The following SLC4A8 variants were observed in gnomAD, a reference collection of about 807,000 sequenced individuals.
The protein encoded by SLC4A8 is electroneutral sodium bicarbonate exchanger 1.
Under a neutral mutation model 125.0 loss-of-function variants are expected in SLC4A8, and 40 were observed. The observed-to-expected ratio is 0.32, with a 90% CI of 0.25 to 0.42. SLC4A8 has a LOEUF of 0.42. Ranked by LOEUF, SLC4A8 falls within the 10% of genes least tolerant of loss-of-function variation. The pLI is 1.00. For synonymous variants in SLC4A8, 456 were observed against 476.0 expected, an observed-to-expected ratio of 0.96 and a Z score of 0.55; for missense variants, 863 against 1,355.1, an observed-to-expected ratio of 0.64 and a Z score of 5.70.
chr12:51,432,011 G>C (rs1454459157), intron 1 of SLC4A8, among the ~76,000 whole-genome samples: 1 of 152,184 alleles, frequency 6.6e-6, no homozygotes. Context: ...GCTTTTGTGA[G>C]ATCTTAGCCT....
At chr12:51,406,180 A>AG (rs1322814349) in intron 1 of SLC4A8, among the ~76,000 whole-genome samples, 4 of 152,252 alleles carry the variant, frequency 2.6e-5, no homozygotes, top group Admixed American at 1.3e-4. Flanking sequence ...AGGACCAGAG[A>AG]GGGAAAAGAG....
At position 51,424,961 on chromosome 12, in the gene SLC4A8, G is replaced by T; in HGVS notation, c.-27G>T. On this transcript the variant is annotated 5_prime_UTR_variant, in exon 1 of 25. Coordinates refer to ENST00000453097, the MANE Select transcript of SLC4A8 (RefSeq NM_001039960.3). ...GCTGCTGATGCTTGGCTTGGAGCCC[G>T]TGGGGGAGACCTAGTTCGGCTCCGC... 3 of 1,550,476 alleles carry T rather than the reference G, an allele frequency of 1.9e-6. No homozygotes were observed. Among genetic ancestry groups the T allele is most frequent in the Non-Finnish European group, 2.6e-6 (3 of 1,146,958 alleles).
chr12:51,493,945 T>C (rs185225362), intron 20 of SLC4A8, among the ~76,000 whole-genome samples, 173 bp downstream of exon 20: 53 of 152,340 alleles, frequency 3.5e-4, no homozygotes, highest in Admixed American at 2.2e-3. Context: ...AAAACAGCCA[T>C]GTTGGCAGGA....
chr12:51,470,720 A>G (rs934058929), intron 13 of SLC4A8, among the ~76,000 whole-genome samples, 195 bp downstream of exon 13: 1 of 152,196 alleles, frequency 6.6e-6, no homozygotes, highest in African/African-American at 2.4e-5. Flanking sequence ...TCCTATTGTT[A>G]AAGAGCTTGA....
chr12:51,484,205 C>CG (rs1951104983), intron 16 of SLC4A8, among the ~76,000 whole-genome samples: 1 of 152,124 alleles, frequency 6.6e-6, no homozygotes, highest in Non-Finnish European at 1.5e-5. Context: ...ATGGCAGTCA[C>CG]GGGAGGTACA....
chr12:51,453,273 GAATAT>G (rs1426036124), intron 4 of SLC4A8, among the ~76,000 whole-genome samples: 1 of 152,060 alleles, frequency 6.6e-6, no homozygotes, highest in Non-Finnish European at 1.5e-5. Context: ...GGTTAATGAG[GAATAT>G]AATATTTGGT....
intron 1 of SLC4A8, among the ~76,000 whole-genome samples, chr12:51,436,406 A>T (rs759985829): frequency 6.6e-6 from 1 of 152,132 alleles, no homozygotes; most frequent in East Asian, 1.9e-4. Context: ...TATACCATCA[A>T]TTTGACCTTT....
chr12:51,405,109 T>C (rs2137947931), intron 1 of SLC4A8, among the ~76,000 whole-genome samples: 1 of 151,736 alleles, frequency 6.6e-6, no homozygotes, highest in South Asian at 2.1e-4. Flanking sequence ...AGAAAGGGAG[T>C]TGGGTGGTGA....
At chr12:51,431,082 A>G (rs142386091) in intron 1 of SLC4A8, among the ~76,000 whole-genome samples, 248 of 152,246 alleles carry the variant, frequency 1.6e-3, no homozygotes, top group African/African-American at 5.7e-3. Context: ...TCCATCTTCT[A>G]GAGACTGCCT....
chr12:51,490,418 G>T (rs1038015970), intron 19 of SLC4A8, among the ~76,000 whole-genome samples: 1 of 151,984 alleles, frequency 6.6e-6, no homozygotes, highest in African/African-American at 2.4e-5. Flanking sequence ...AATTAGCCGG[G>T]TGTGGTGGCA....
In SLC4A8 at chr12:51,514,165, C is replaced by A. The variant is rs1033564402; in HGVS notation, c.*6727C>A. ...TATTTTGTAAGGAAGTTAGCACCTC[C>A]TTCCAGGACTTTAAACAGTTGTCTT... On this transcript the variant is annotated 3_prime_UTR_variant, in exon 25 of 25. Transcript: ENST00000453097. 1 of 152,654 alleles carries A rather than the reference C, an allele frequency of 6.6e-6. No individual in the cohort carries two copies. Among genetic ancestry groups the A allele is most frequent in the African/African-American group, 2.4e-5 (1 of 41,454 alleles). The allele number at this position is 152,654 out of a possible 1,614,324, so 9.5% of individuals were successfully genotyped here.
chr12:51,507,167 A>G (rs1288072064), intron 24 of SLC4A8, among the ~76,000 whole-genome samples: 1 of 152,234 alleles, frequency 6.6e-6, no homozygotes, highest in Non-Finnish European at 1.5e-5. Flanking sequence ...GTGGTGATTT[A>G]TGTCTTCATC....
intron 1 of SLC4A8, among the ~76,000 whole-genome samples, chr12:51,404,004 T>C (rs1042390635): frequency 6.6e-5 from 10 of 152,212 alleles, no homozygotes; most frequent in African/African-American, 2.4e-4. Context: ...CCATTTCTGC[T>C]TGGGGCCTGG....
intron 22 of SLC4A8, 57 bp from the exon 23 acceptor site, chr12:51,503,972 T>C: frequency 1.1e-6 from 1 of 890,942 alleles, no homozygotes; most frequent in South Asian, 1.6e-5. Flanking sequence ...AAGAATGGGC[T>C]GGTGAACTTA....
At chr12:51,424,079 A>C (rs1565762426), upstream of SLC4A8, among the ~76,000 whole-genome samples, 3 of 140,800 alleles carry the variant, frequency 2.1e-5, no homozygotes, top group Admixed American at 7.1e-5. Flanking sequence ...AAAAAAAACA[A>C]AAAAAACCCA....
At chr12:51,477,574 C>T (rs1238870983) in intron 16 of SLC4A8, among the ~76,000 whole-genome samples, 2 of 152,222 alleles carry the variant, frequency 1.3e-5, no homozygotes, top group East Asian at 1.9e-4. Context: ...TATTTCTCAG[C>T]AGTCGTTTCC....
intron 1 of SLC4A8, among the ~76,000 whole-genome samples, chr12:51,401,005 C>G (rs1021693038): frequency 6.6e-6 from 1 of 151,230 alleles, no homozygotes; most frequent in Non-Finnish European, 1.5e-5. Context: ...GGGAGTGGCT[C>G]GCTTCTTTAG....
chr12:51,408,449 C>G (rs143466177), intron 1 of SLC4A8, among the ~76,000 whole-genome samples: 1 of 151,988 alleles, frequency 6.6e-6, no homozygotes, highest in Admixed American at 6.6e-5. Flanking sequence ...GCTGGCCAGG[C>G]TGGTCTCGAA....
Position 51,485,810 on chromosome 12 carries a change from T to C in SLC4A8, c.2196T>C (p.Phe732=), listed in dbSNP as rs1194715566. 4.3e-6 allele frequency: 7 copies of C among 1,612,176 alleles called. No homozygotes were observed. Among genetic ancestry groups the C allele is most frequent in the Non-Finnish European group, 5.9e-6 (7 of 1,178,188 alleles). ...PTRVRSMVSD[F]AVFLTIFTMV... The stretch of plus-strand genomic sequence containing the variant: ...AGGTACGCTCCATGGTGAGTGACTT[T>C]GCTGTTTTCCTCACTATCTTCACAA... Residue 732 remains phenylalanine, a synonymous_variant, in exon 17 of 25, where the codon TTT becomes TTC. Coordinates refer to ENST00000453097, the MANE Select transcript of SLC4A8 (RefSeq NM_001039960.3).
Sources: gnomAD v4.1 joint callset for allele counts (sites outside exome capture counted in the v4.1 genomes callset) on GRCh38, gnomAD v4.1.1 for gene constraint, MANE v1.5 for transcripts, NCBI Gene and HGNC (gene_info 2026-07-23, HGNC 2026-07-21) for gene names.